Variants in OSBPL1A observed in about 807,000 individuals in gnomAD.
OSBPL1A encodes oxysterol binding protein like 1A.
Under a neutral mutation model 137.1 loss-of-function variants are expected in OSBPL1A, and 80 were observed. That is an observed-to-expected ratio of 0.58 (90% CI 0.49 to 0.70). The LOEUF is 0.70. OSBPL1A is among the 30% of genes least tolerant of loss of function. OSBPL1A has a pLI of 0.00. For missense variants in OSBPL1A, 970 were observed against 1,129.4 expected, an observed-to-expected ratio of 0.86 and a Z score of 2.02; for synonymous variants, 365 against 389.7, an observed-to-expected ratio of 0.94 and a Z score of 0.75.
intron 17 of OSBPL1A, among the ~76,000 whole-genome samples, chr18:24,198,475 A>G (rs537231847): frequency 6.6e-6 from 1 of 152,292 alleles, no homozygotes; most frequent in South Asian, 2.1e-4. Flanking sequence ...TGCAACATTC[A>G]TTACCTATTC....
At chr18:24,391,574 AAATT>A (rs1176329331) in intron 1 of OSBPL1A, among the ~76,000 whole-genome samples, 1 of 151,122 alleles carries the variant, frequency 6.6e-6, no homozygotes, top group Non-Finnish European at 1.5e-5. Flanking sequence ...AAAAAAAAAA[AAATT>A]AATTACCAAA....
At chr18:24,266,808 C>CA (rs10599344) in intron 15 of OSBPL1A, among the ~76,000 whole-genome samples, 4 of 151,696 alleles carry the variant, frequency 2.6e-5, no homozygotes, top group Admixed American at 1.3e-4. Flanking sequence ...CACGAAATTA[C>CA]AAAAAATGCT....
At chr18:24,317,280 A>G in intron 10 of OSBPL1A, 47 bp downstream of exon 10, 1 of 1,609,224 alleles carries the variant, frequency 6.2e-7, no homozygotes, top group Non-Finnish European at 8.5e-7. Flanking sequence ...TCGTATTTCA[A>G]AATTTATACA....
At chr18:24,169,527 A>C (rs2086224534) in intron 24 of OSBPL1A, among the ~76,000 whole-genome samples, 1 of 152,242 alleles carries the variant, frequency 6.6e-6, no homozygotes, top group Non-Finnish European at 1.5e-5. Context: ...TAACTCATTT[A>C]ACAAGTAGGT....
At chr18:24,220,596 T>C (rs1268340631) in intron 17 of OSBPL1A, among the ~76,000 whole-genome samples, 2 of 152,154 alleles carry the variant, frequency 1.3e-5, no homozygotes, top group African/African-American at 4.8e-5. Flanking sequence ...TCACTGCTCC[T>C]GGGTTCTCTG....
chr18:24,382,150 C>T (rs1432258067), intron 1 of OSBPL1A, among the ~76,000 whole-genome samples: 2 of 151,244 alleles, frequency 1.3e-5, no homozygotes, highest in African/African-American at 2.4e-5. Flanking sequence ...CCTGTAATCC[C>T]AGCACTTTGG....
chr18:24,221,546 T>C (rs2087891510), intron 17 of OSBPL1A, among the ~76,000 whole-genome samples: 1 of 152,248 alleles, frequency 6.6e-6, no homozygotes, highest in South Asian at 2.1e-4. Context: ...GTAAAGATAT[T>C]GTACATTTTC....
At chr18:24,253,078 G>A (rs1351202479) in intron 15 of OSBPL1A, among the ~76,000 whole-genome samples, 1 of 134,322 alleles carries the variant, frequency 7.4e-6, no homozygotes, top group Non-Finnish European at 1.6e-5. Flanking sequence ...AAAACAATTA[G>A]AAAACAAGTA....
At chr18:24,322,531 A>G (rs578155350) in intron 7 of OSBPL1A, among the ~76,000 whole-genome samples, 3 of 152,242 alleles carry the variant, frequency 2.0e-5, no homozygotes, top group Non-Finnish European at 4.4e-5. Flanking sequence ...TTTTTAAAAC[A>G]TTAACCAAAA....
chr18:24,198,843 T>C (rs1280850971), intron 17 of OSBPL1A, among the ~76,000 whole-genome samples: 1 of 143,572 alleles, frequency 7.0e-6, no homozygotes, highest in East Asian at 2.3e-4. Flanking sequence ...GTCACTGTTG[T>C]TTTGGTGTTT....
intron 1 of OSBPL1A, among the ~76,000 whole-genome samples, chr18:24,388,380 G>GA (rs1171963659): frequency 6.6e-6 from 1 of 152,068 alleles, no homozygotes; most frequent in African/African-American, 2.4e-5. Flanking sequence ...TTAGTCCTTT[G>GA]AAAACAAAGT....
intron 17 of OSBPL1A, among the ~76,000 whole-genome samples, chr18:24,206,955 A>G (rs1461601550): frequency 1.3e-5 from 2 of 152,192 alleles, no homozygotes; most frequent in African/African-American, 2.4e-5. Flanking sequence ...CCTTCAGGGT[A>G]CAGAATATTT....
At chr18:24,272,157 G>C (rs1350884812) in intron 15 of OSBPL1A, 5 of 983,926 alleles carry the variant, frequency 5.1e-6, no homozygotes, top group Non-Finnish European at 6.0e-6. Context: ...GGCTCTACGT[G>C]AGTGCCGCGC....
chr18:24,267,307 T>TA (rs879607417), intron 15 of OSBPL1A, among the ~76,000 whole-genome samples: 1,833 of 148,684 alleles, frequency 0.012, 140 homozygotes, highest in Admixed American at 0.11. Context: ...AGTTACTAGT[T>TA]AAAAAAAAAA....
intron 1 of OSBPL1A, among the ~76,000 whole-genome samples, chr18:24,390,333 C>T (rs1907242906): frequency 6.6e-6 from 1 of 152,128 alleles, no homozygotes; most frequent in Non-Finnish European, 1.5e-5. Flanking sequence ...GAGAAGTAAC[C>T]TAAACGTCCA....
At chr18:24,337,653 C>T (rs1410342017) in intron 5 of OSBPL1A, among the ~76,000 whole-genome samples, 3 of 150,562 alleles carry the variant, frequency 2.0e-5, no homozygotes, top group Non-Finnish European at 4.4e-5. Context: ...GATGATGTCA[C>T]AATTAAATGC....
intron 1 of OSBPL1A, among the ~76,000 whole-genome samples, chr18:24,379,674 C>T (rs1270236527): frequency 6.6e-6 from 1 of 151,730 alleles, no homozygotes; most frequent in African/African-American, 2.4e-5. Context: ...TTGAGACCAG[C>T]CTAATACGGT....
intron 27 of OSBPL1A, among the ~76,000 whole-genome samples, chr18:24,163,585 C>T (rs968709766): frequency 1.3e-5 from 2 of 152,162 alleles, no homozygotes; most frequent in Non-Finnish European, 2.9e-5. Context: ...ATTTGTCTAA[C>T]GGGTTTACCC....
intron 4 of OSBPL1A, among the ~76,000 whole-genome samples, chr18:24,358,802 GC>G (rs1418886536): frequency 6.6e-6 from 1 of 152,130 alleles, no homozygotes; most frequent in Non-Finnish European, 1.5e-5. Context: ...GTGCGGTGGT[GC>G]CATCATAGCT....
Sources: gnomAD v4.1 joint callset for allele counts (sites outside exome capture counted in the v4.1 genomes callset) on GRCh38, gnomAD v4.1.1 for gene constraint, MANE v1.5 for transcripts, NCBI Gene and HGNC (gene_info 2026-07-23, HGNC 2026-07-21) for gene names.